ZBTB46: variants seen among roughly 807,000 people sequenced by gnomAD.
ZBTB46 encodes zinc finger and BTB domain-containing protein 46.
A neutral mutation model predicts 44.1 loss-of-function variants in ZBTB46; 8 were observed. That is an observed-to-expected ratio of 0.18 (90% CI 0.11 to 0.33). The LOEUF (loss-of-function observed/expected upper bound fraction) is 0.33, where lower values mean the gene tolerates loss of function less well. ZBTB46 is among the 10% of genes least tolerant of loss of function. ZBTB46 has a pLI of 1.00. For synonymous variants in ZBTB46, 409 were observed against 382.3 expected (o/e 1.07, Z -0.81); for missense variants, 651 against 847.7 (o/e 0.77, Z 2.88).
chr20:63,774,893 C>T (rs1053656995), intron 3 of ZBTB46, among the ~76,000 whole-genome samples: 4 of 151,830 alleles, frequency 2.6e-5, no homozygotes, highest in African/African-American at 9.7e-5. Context: ...TTAGTAGAGA[C>T]GGGGTTTCAC....
At chr20:63,769,806 G>C (rs1385515727) in intron 3 of ZBTB46, among the ~76,000 whole-genome samples, 1 of 152,220 alleles carries the variant, frequency 6.6e-6, no homozygotes, top group Admixed American at 6.5e-5. Context: ...TCAAGTTAAA[G>C]TTCTCGATTC....
intron 2 of ZBTB46, among the ~76,000 whole-genome samples, chr20:63,786,933 T>C (rs1270818972): frequency 6.6e-6 from 1 of 152,194 alleles, no homozygotes; most frequent in African/African-American, 2.4e-5. Context: ...ATTTTGGGCC[T>C]GAGCGACTGC....
At chr20:63,831,402 C>T (rs1156657234), upstream of ZBTB46, among the ~76,000 whole-genome samples, 14 of 143,098 alleles carry the variant, frequency 9.8e-5, no homozygotes, top group South Asian at 2.1e-4. Context: ...CGGCCACCGC[C>T]CCGGGCCCCG....
intron 3 of ZBTB46, among the ~76,000 whole-genome samples, chr20:63,760,999 CTT>C (rs372831458): frequency 0.46 from 58,811 of 127,334 alleles, 14,494 homozygotes; most frequent in African/African-American, 0.61. Flanking sequence ...ATTGATAGCT[CTT>C]TTTTTTTTTT....
chr20:63,775,947 A>C lies in ZBTB46; in HGVS notation c.953T>G (p.Val318Gly). The C allele has an allele frequency of 6.4e-7, 1 of 1,574,634 alleles. No individual in the cohort carries two copies. The highest frequency in any genetic ancestry group is 8.6e-7 in the Non-Finnish European group (1 of 1,164,106). The change falls in exon 3 of 5, where the codon GTC becomes GGC. Residue 318 changes from valine to glycine, a missense_variant. Transcript: ENST00000245663. ...SSRDSNADLS[V>G]TEASSSDSRG... ...GCTGTCGGAGCTGCTGGCTTCGGTGACGGACAGGTCCGCATCTGGGGACAG... is the reference window on the plus strand; with the variant it reads ...GCTGTCGGAGCTGCTGGCTTCGGTGCCGGACAGGTCCGCATCTGGGGACAG...
intron 3 of ZBTB46, among the ~76,000 whole-genome samples, chr20:63,758,922 C>CG (rs11395510): frequency 0.95 from 144,013 of 152,102 alleles, 68,230 homozygotes; most frequent in East Asian, 0.99. Context: ...TTAATAGAGA[C>CG]GGGTTTCACT....
intron 3 of ZBTB46, among the ~76,000 whole-genome samples, chr20:63,756,348 G>A (rs1055174317): frequency 6.6e-6 from 1 of 152,324 alleles, no homozygotes; most frequent in African/African-American, 2.4e-5. Flanking sequence ...AGGCATCTTC[G>A]GAGGGTTCAA....
intron 3 of ZBTB46, among the ~76,000 whole-genome samples, chr20:63,770,942 G>T (rs576995216): frequency 7.6e-6 from 1 of 131,844 alleles, no homozygotes; most frequent in African/African-American, 2.9e-5. Context: ...GGAGATGGTC[G>T]CAAGTCAGCA....
chr20:63,828,033 G>A (rs916968820), intron 1 of ZBTB46, among the ~76,000 whole-genome samples: 19 of 152,314 alleles, frequency 1.2e-4, no homozygotes, highest in African/African-American at 3.6e-4. Flanking sequence ...CGGCCCGCCC[G>A]CCTCAGCCTC....
chr20:63,801,799 C>T (rs558712758), intron 1 of ZBTB46, among the ~76,000 whole-genome samples: 2 of 152,236 alleles, frequency 1.3e-5, no homozygotes, highest in South Asian at 4.2e-4. Flanking sequence ...GTCAGTGAGA[C>T]CAAGAACCCA....
chr20:63,791,320 C>A, intron 1 of ZBTB46, among the ~76,000 whole-genome samples: 1 of 151,778 alleles, frequency 6.6e-6, no homozygotes, highest in East Asian at 1.9e-4. Context: ...ATGGTGAAAC[C>A]CTGTCTCTAC....
intron 1 of ZBTB46, among the ~76,000 whole-genome samples, chr20:63,806,044 G>T (rs992819415): frequency 4.0e-5 from 6 of 151,132 alleles, no homozygotes; most frequent in Non-Finnish European, 2.9e-5. Context: ...CAAAGTGCTG[G>T]GATTACACGC....
At chr20:63,768,591 A>G (rs960937116) in intron 3 of ZBTB46, among the ~76,000 whole-genome samples, 1 of 152,080 alleles carries the variant, frequency 6.6e-6, no homozygotes, top group Non-Finnish European at 1.5e-5. Context: ...TGGGTGACAA[A>G]GCCAGACTCT....
chr20:63,801,987 T>C (rs2092649368), intron 1 of ZBTB46, among the ~76,000 whole-genome samples: 1 of 152,210 alleles, frequency 6.6e-6, no homozygotes, highest in Non-Finnish European at 1.5e-5. Flanking sequence ...AATCCTGTGC[T>C]TATCCAAGGA....
chr20:63,746,034 C>G lies in ZBTB46; in HGVS notation c.*896G>C, dbSNP rs1404687427. ...AGCAGCACACTGCAGTTAGGAACAC[C>G]GCCTCCAGTGTTAGCAGCAAAGGCA... On this transcript the variant is annotated 3_prime_UTR_variant, in exon 5 of 5. Coordinates refer to ENST00000245663, the MANE Select transcript of ZBTB46 (RefSeq NM_001369741.1). 1 of 152,738 alleles carries G rather than the reference C, an allele frequency of 6.5e-6. No homozygotes were observed. The highest frequency in any genetic ancestry group is 1.5e-5 in the Non-Finnish European group (1 of 68,050). The allele number at this position is 152,738 out of a possible 1,614,324, so 9.5% of individuals were successfully genotyped here.
chr20:63,774,961 CCA>C (rs1440688672), intron 3 of ZBTB46, among the ~76,000 whole-genome samples: 3 of 152,280 alleles, frequency 2.0e-5, no homozygotes, highest in South Asian at 2.1e-4. Flanking sequence ...CCTCAGCCTC[CCA>C]AAGTGCTGGG....
chr20:63,807,180 C>G (rs150895397), intron 1 of ZBTB46, among the ~76,000 whole-genome samples: 6 of 151,674 alleles, frequency 4.0e-5, no homozygotes, highest in East Asian at 1.9e-4. Flanking sequence ...ATGGACTTTT[C>G]TTTTGTTGGA....
chr20:63,806,066 T>C (rs2092679443), intron 1 of ZBTB46, among the ~76,000 whole-genome samples: 1 of 149,502 alleles, frequency 6.7e-6, no homozygotes, highest in Non-Finnish European at 1.5e-5. Flanking sequence ...TGAGCCACCA[T>C]GCCCGGCCCC....
intron 1 of ZBTB46, among the ~76,000 whole-genome samples, chr20:63,827,508 T>G (rs1207398706): frequency 6.6e-6 from 1 of 150,496 alleles, no homozygotes; most frequent in East Asian, 1.9e-4. Context: ...CTCGGGAGGC[T>G]GAGGCAGGAG....
Sources: gnomAD v4.1 joint callset for allele counts (sites outside exome capture counted in the v4.1 genomes callset) on GRCh38, gnomAD v4.1.1 for gene constraint, MANE v1.5 for transcripts, NCBI Gene and HGNC (gene_info 2026-07-23, HGNC 2026-07-21) for gene names.